MYO9A: variants seen among roughly 807,000 people sequenced by gnomAD.
MYO9A encodes the protein unconventional myosin-IXa.
Under a neutral mutation model 293.3 loss-of-function variants are expected in MYO9A, and 103 were observed. The observed-to-expected ratio is 0.35, with a 90% confidence interval of 0.30 to 0.41. The LOEUF is 0.41. MYO9A is among the 10% of genes least tolerant of loss of function. MYO9A has a pLI of 1.00. For missense variants in MYO9A, 2,685 were observed against 3,033.0 expected, an observed-to-expected ratio of 0.89 and a Z score of 2.69; for synonymous variants, 1,001 against 1,035.7, an observed-to-expected ratio of 0.97 and a Z score of 0.64.
chr15:71,926,132 C>T (rs1036168861), intron 18 of MYO9A, among the ~76,000 whole-genome samples: 1 of 151,752 alleles, frequency 6.6e-6, no homozygotes, highest in Non-Finnish European at 1.5e-5. Flanking sequence ...ATTTCTTTAC[C>T]TGTAGTCAAC....
Position 71,951,894 on chromosome 15 carries a change from G to A in MYO9A, c.2185C>T (p.His729Tyr), listed in dbSNP as rs202204697. ...ATTGCACATGGCGCTGTATCATCAT[G>A]TCCTTAGGAAGCAAAAAAAAACAAA... ...GKRNIHRKTG[H>Y]DDTAPCAILK... is the part of the protein sequence containing the mutation. The change falls in exon 15 of 42, where the codon CAT becomes TAT. Residue 729 changes from histidine to tyrosine, a missense_variant and splice_region_variant. Physicochemically the swap from His to Tyr is moderately conservative, Grantham distance 83. This residue lies in a region of MYO9A where 1,434 missense variants were observed against 1,497.7 expected (regional missense o/e 0.96). Coordinates refer to ENST00000356056, the MANE Select transcript of MYO9A (RefSeq NM_006901.4). 1.7e-5 allele frequency: 27 copies of A among 1,571,434 alleles called. No individual in the cohort carries two copies. The East Asian group carries it at 4.5e-4, about 26-fold the overall frequency.
intron 11 of MYO9A, 78 bp from the exon 12 acceptor site, chr15:71,978,370 T>G (rs1309046095): frequency 1.7e-6 from 2 of 1,183,450 alleles, no homozygotes; most frequent in Non-Finnish European, 2.3e-6. Context: ...GAAAAGCTTT[T>G]ACCCTGCTTA....
intron 11 of MYO9A, among the ~76,000 whole-genome samples, chr15:71,983,908 G>C (rs2076343613): frequency 6.6e-6 from 1 of 152,132 alleles, no homozygotes; most frequent in African/African-American, 2.4e-5. Context: ...GCTACAATAG[G>C]AAACAACTTG....
At chr15:72,066,408 C>A (rs2079023115) in intron 1 of MYO9A, among the ~76,000 whole-genome samples, 1 of 151,674 alleles carries the variant, frequency 6.6e-6, no homozygotes. Flanking sequence ...ATCGCTTGAA[C>A]CCGGGTGGTG....
intron 2 of MYO9A, among the ~76,000 whole-genome samples, chr15:72,032,999 C>T (rs1596429969): frequency 2.0e-5 from 3 of 152,010 alleles, no homozygotes; most frequent in East Asian, 1.9e-4. Flanking sequence ...TACAGGCCCA[C>T]GCCGCCAAGC....
Position 71,866,731 on chromosome 15 carries a change from G to A in MYO9A, c.5980-4120C>T, listed in dbSNP as rs1452657800. 2.0e-5 allele frequency among the ~76,000 whole-genome samples: 3 copies of A among 151,944 alleles called. No homozygotes were observed. In the South Asian group the frequency reaches 6.2e-4, roughly 32 times the overall value. On this transcript the variant is annotated intron_variant, in intron 32 of 41. Transcript: ENST00000356056. ...CAATCAAATAGTTGGAATGGCTCAC[G>A]ACTATTTAGATCAACTAATGAAACA...
chr15:72,101,752 G>A (rs1274061795), intron 1 of MYO9A, among the ~76,000 whole-genome samples: 13 of 139,432 alleles, frequency 9.3e-5, no homozygotes, highest in Non-Finnish European at 1.6e-4. Context: ...GCCTCTGCCC[G>A]GCCGCCCCTA....
chr15:71,896,543 G>A (rs2057333513), intron 25 of MYO9A, among the ~76,000 whole-genome samples: 1 of 152,098 alleles, frequency 6.6e-6, no homozygotes, highest in Admixed American at 6.5e-5. Flanking sequence ...AATTTGGGGG[G>A]CAGAGGCAGG....
At chr15:72,077,752 A>ATATATATAT (rs1156518210) in intron 1 of MYO9A, among the ~76,000 whole-genome samples, 1 of 72,492 alleles carries the variant, frequency 1.4e-5, no homozygotes, top group African/African-American at 7.8e-5. Flanking sequence ...AAAAAAAAAA[A>ATATATATAT]ATATATATAT....
chr15:71,969,132 C>T (rs936205705), intron 12 of MYO9A, among the ~76,000 whole-genome samples: 2 of 152,184 alleles, frequency 1.3e-5, no homozygotes, highest in Admixed American at 1.3e-4. Context: ...TACCAGTTAT[C>T]ACAGTGCCAG....
intron 26 of MYO9A, 49 bp from the exon 27 acceptor site, chr15:71,888,165 T>C: frequency 1.0e-6 from 1 of 976,344 alleles, no homozygotes; most frequent in Non-Finnish European, 1.6e-6. Flanking sequence ...AAATATATGA[T>C]AGCACTGTAA....
chr15:71,937,729 A>C (rs183594971), intron 16 of MYO9A, among the ~76,000 whole-genome samples: 1 of 152,292 alleles, frequency 6.6e-6, no homozygotes, highest in African/African-American at 2.4e-5. Flanking sequence ...AAGAAGCACA[A>C]ACTAGAAATT....
At chr15:71,921,285 AAACTAGGCT>A (rs1359118874) in intron 18 of MYO9A, among the ~76,000 whole-genome samples, 2 of 152,240 alleles carry the variant, frequency 1.3e-5, no homozygotes, top group Non-Finnish European at 2.9e-5. Context: ...TGTCTGAAGC[AAACTAGGCT>A]AACTTGTTAT....
chr15:71,875,776 C>T lies in MYO9A; in HGVS notation c.5979+15G>A. On this transcript the variant is annotated intron_variant, in intron 32 of 41. Transcript: ENST00000356056. ...AAAATTACTTTTTTAATTTAAAAAACAGATTATAACTTACCAAATCAGTTT... is the reference window on the plus strand; with the variant it reads ...AAAATTACTTTTTTAATTTAAAAAATAGATTATAACTTACCAAATCAGTTT... 1 of 1,289,238 alleles carries T rather than the reference C, an allele frequency of 7.8e-7. No individual in the cohort carries two copies. Among genetic ancestry groups the T allele is most frequent in the Non-Finnish European group, 1.0e-6 (1 of 989,776 alleles). The allele number at this position is 1,289,238 out of a possible 1,614,324, so 79.9% of individuals were successfully genotyped here. A position where few individuals can be genotyped will look rare whatever the true frequency, so the allele number is the denominator to read the frequency against.
intron 32 of MYO9A, among the ~76,000 whole-genome samples, chr15:71,873,863 T>C (rs964155319): frequency 1.3e-5 from 2 of 152,254 alleles, no homozygotes; most frequent in African/African-American, 4.8e-5. Flanking sequence ...GTATATAAAG[T>C]GCCTAAACAT....
At chr15:72,038,929 CTT>C (rs1341780579) in intron 2 of MYO9A, among the ~76,000 whole-genome samples, 2 of 151,856 alleles carry the variant, frequency 1.3e-5, no homozygotes, top group Non-Finnish European at 2.9e-5. Context: ...AGTTTAATAA[CTT>C]AAAATATATA....
intron 18 of MYO9A, among the ~76,000 whole-genome samples, chr15:71,932,310 G>A (rs539842454): frequency 6.6e-6 from 1 of 152,218 alleles, no homozygotes; most frequent in Admixed American, 6.5e-5. Context: ...TTTGTTTTCA[G>A]TGGTCTAGAG....
chr15:71,987,592 C>T (rs1216620150), intron 11 of MYO9A, among the ~76,000 whole-genome samples: 1 of 152,156 alleles, frequency 6.6e-6, no homozygotes, highest in African/African-American at 2.4e-5. Context: ...TGTGTAACTA[C>T]TTTACCTTAT....
chr15:71,942,126 A>G (rs1426436975), intron 15 of MYO9A, among the ~76,000 whole-genome samples: 1 of 152,080 alleles, frequency 6.6e-6, no homozygotes, highest in Non-Finnish European at 1.5e-5. Flanking sequence ...ACAATGGAAC[A>G]CACCTGAGCA....
Sources: allele counts gnomAD v4.1 joint callset (sites outside exome capture counted in the v4.1 genomes callset), GRCh38; gene constraint gnomAD v4.1.1; regional missense constraint gnomAD v4.1.1; transcripts MANE v1.5; gene names NCBI Gene and HGNC (gene_info 2026-07-23, HGNC 2026-07-21).